PIWIL3: variants seen among roughly 807,000 people sequenced by gnomAD.
PIWIL3 encodes the protein piwi-like protein 3.
Under a neutral mutation model 109.7 loss-of-function variants are expected in PIWIL3, and 101 were observed. The ratio of observed to expected loss-of-function variants is 0.92; its 90% CI spans 0.78 to 1.09. The LOEUF (loss-of-function observed/expected upper bound fraction) is 1.09. Ranked by LOEUF, PIWIL3 falls within the 50% of genes least tolerant of loss-of-function variation. The pLI, the probability that PIWIL3 is intolerant of heterozygous loss-of-function variation, is 0.00. For synonymous variants in PIWIL3, 373 were observed against 376.4 expected, an observed-to-expected ratio of 0.99 and a Z score of 0.10; for missense variants, 1,031 against 1,072.6, an observed-to-expected ratio of 0.96 and a Z score of 0.54.
At chr22:24,755,662 C>T (rs1924981255) in intron 6 of PIWIL3, 122 bp downstream of exon 6, 3 of 1,278,588 alleles carry the variant, frequency 2.3e-6, no homozygotes, top group Non-Finnish European at 2.2e-6. Context: ...AGACCCTTCA[C>T]TCTCTTAATA....
intron 13 of PIWIL3, among the ~76,000 whole-genome samples, chr22:24,735,016 A>C (rs1220721704): frequency 6.6e-6 from 1 of 152,062 alleles, no homozygotes; most frequent in Admixed American, 6.6e-5. Flanking sequence ...GACATTCTAA[A>C]AAGGCAAAAC....
At chr22:24,739,146 G>T (rs1001752167) in intron 12 of PIWIL3, among the ~76,000 whole-genome samples, 1 of 151,896 alleles carries the variant, frequency 6.6e-6, no homozygotes, top group South Asian at 2.1e-4. Context: ...GAGTTCAAAG[G>T]CAGGCTGTTT....
intron 12 of PIWIL3, among the ~76,000 whole-genome samples, chr22:24,742,858 G>T (rs1396326078): frequency 6.6e-6 from 1 of 152,110 alleles, no homozygotes; most frequent in East Asian, 1.9e-4. Context: ...TCATGACCAA[G>T]AACCCAAAAG....
Position 24,744,178 on chromosome 22 carries a change from T to TTAAAAAAAAAAAAAAAAAAAAAA in PIWIL3, c.1449+4728_1449+4729insTTTTTTTTTTTTTTTTTTTTTTA, listed in dbSNP as rs1924180538. On this transcript the variant is annotated intron_variant, in intron 12 of 20. Coordinates refer to ENST00000616349, the MANE Select transcript of PIWIL3 (RefSeq NM_001255975.1). ...ACTCTAATTGAAAGAGTGACCGAAT[T>TTAAAAAAAAAAAAAAAAAAAAAA]AAAAAAAAAAAAAAAAAAAAAAAAA... Among the ~76,000 whole-genome samples the TTAAAAAAAAAAAAAAAAAAAAAA allele has an allele frequency of 1.5e-3, 53 of 34,320 alleles. 20 individuals are homozygous for TTAAAAAAAAAAAAAAAAAAAAAA. Among genetic ancestry groups the TTAAAAAAAAAAAAAAAAAAAAAA allele is most frequent in the South Asian group, 5.6e-3 (4 of 710 alleles). The allele number at this position is 34,320 out of a possible 152,430, so 22.5% of individuals were successfully genotyped here.
chr22:24,723,889 G>C (rs1922827731), intron 18 of PIWIL3, among the ~76,000 whole-genome samples: 1 of 152,064 alleles, frequency 6.6e-6, no homozygotes, highest in South Asian at 2.1e-4. Flanking sequence ...TGTTGGCCAG[G>C]CTGGTCTCAA....
intron 2 of PIWIL3, among the ~76,000 whole-genome samples, chr22:24,761,145 G>C (rs1420324438): frequency 6.6e-6 from 1 of 152,084 alleles, no homozygotes; most frequent in South Asian, 2.1e-4. Flanking sequence ...GGGGTGTTAG[G>C]TGGTGCAGGA....
intron 6 of PIWIL3, among the ~76,000 whole-genome samples, chr22:24,755,502 G>C (rs1924969727): frequency 6.6e-6 from 1 of 152,200 alleles, no homozygotes. Context: ...ATTTGCTACA[G>C]AGACATACAC....
intron 12 of PIWIL3, among the ~76,000 whole-genome samples, chr22:24,746,865 G>A (rs79139343): frequency 0.039 from 6,005 of 152,060 alleles, 198 homozygotes; most frequent in South Asian, 0.12. Flanking sequence ...ACACAAAAAT[G>A]AAGATATTCC....
Position 24,723,172 on chromosome 22 carries a change from G to A in PIWIL3, c.2315C>T (p.Pro772Leu), listed in dbSNP as rs1407987245. 3.7e-6 allele frequency: 6 copies of A among 1,612,904 alleles called. No individual in the cohort carries two copies. Among genetic ancestry groups the A allele is most frequent in the Non-Finnish European group, 5.1e-6 (6 of 1,179,110 alleles). ...CTCTACATCAATAACTGTTCCTGGA[G>A]GTGGATTTTGAAAATTGCTTCCATG... is the stretch of plus-strand genomic sequence containing the variant. ...LKHGSNFQNP[P>L]PGTVIDVELT... Residue 772 changes from proline (P) to leucine (L), a missense_variant, in exon 19 of 21, where the codon CCT becomes CTT. Pro to Leu is a moderately conservative substitution (Grantham distance 98). Coordinates refer to ENST00000616349, the MANE Select transcript of PIWIL3 (RefSeq NM_001255975.1).
chr22:24,760,210 A>C (rs1473788889), intron 2 of PIWIL3, among the ~76,000 whole-genome samples: 1 of 152,222 alleles, frequency 6.6e-6, no homozygotes, highest in Non-Finnish European at 1.5e-5. Context: ...AGAATCAGGA[A>C]TTACTGGGAA....
intron 14 of PIWIL3, among the ~76,000 whole-genome samples, chr22:24,729,517 C>T (rs1923208681): frequency 1.3e-5 from 2 of 152,154 alleles, no homozygotes; most frequent in African/African-American, 4.8e-5. Context: ...CTGAAACTGC[C>T]TGATTTTCCA....
chr22:24,754,247 C>T (rs750366062), intron 7 of PIWIL3, 30 bp from the exon 8 acceptor site: 112 of 1,574,236 alleles, frequency 7.1e-5, no homozygotes, highest in East Asian at 6.9e-4. Flanking sequence ...AGTATTAGTC[C>T]GATCTCTTCA....
intron 12 of PIWIL3, among the ~76,000 whole-genome samples, chr22:24,741,430 A>C (rs1924003511): frequency 6.6e-6 from 1 of 152,104 alleles, no homozygotes; most frequent in South Asian, 2.1e-4. Context: ...CTTGAACCCA[A>C]CAGGCAGAGG....
In PIWIL3 at chr22:24,754,141, C is replaced by T. The variant is rs771890979; in HGVS notation, c.850G>A (p.Val284Met). The change falls in exon 8 of 21, where the codon GTG becomes ATG. Residue 284 changes from valine (V) to methionine (M), a missense_variant. Coordinates refer to ENST00000616349, the MANE Select transcript of PIWIL3 (RefSeq NM_001255975.1). ...TCTATTCGGAGCAGTTTGTGGCTCA[C>T]ATCGGCACAGAGGGTAATGCTGTTT... is the stretch of plus-strand genomic sequence containing the variant. ...YENSITLCAD[V>M]SHKLLRIETA... is the part of the protein sequence containing the mutation. The T allele has an allele frequency of 5.6e-6, 9 of 1,613,948 alleles. No individual in the cohort carries two copies. The Admixed American group carries it at 1.2e-4, about 21-fold the overall frequency.
At chr22:24,757,642 A>G (rs1246891418) in intron 4 of PIWIL3, among the ~76,000 whole-genome samples, 1 of 148,826 alleles carries the variant, frequency 6.7e-6, no homozygotes. Flanking sequence ...ACACACATAT[A>G]TAAAATATGT....
chr22:24,729,007 C>A (rs374033101), intron 14 of PIWIL3, among the ~76,000 whole-genome samples: 1 of 152,176 alleles, frequency 6.6e-6, no homozygotes, highest in Non-Finnish European at 1.5e-5. Flanking sequence ...CAAGGCCTAA[C>A]GCAGAAATGC....
At chr22:24,759,044 C>T (rs1925258249) in intron 3 of PIWIL3, among the ~76,000 whole-genome samples, 1 of 152,174 alleles carries the variant, frequency 6.6e-6, no homozygotes, top group Non-Finnish European at 1.5e-5. Context: ...CAGGCGCATA[C>T]CACCATGCCC....
chr22:24,727,010 A>G (rs1569096714), intron 16 of PIWIL3, among the ~76,000 whole-genome samples: 1 of 152,252 alleles, frequency 6.6e-6, no homozygotes, highest in Non-Finnish European at 1.5e-5. Flanking sequence ...AGGAGAGCAT[A>G]GGATATAGAC....
chr22:24,754,238 G>C, intron 7 of PIWIL3, 21 bp from the exon 8 acceptor site: 1 of 1,590,628 alleles, frequency 6.3e-7, no homozygotes, highest in Non-Finnish European at 8.6e-7. Context: ...TTACATGAGA[G>C]TATTAGTCCG....
Sources: gnomAD v4.1 joint callset for allele counts (sites outside exome capture counted in the v4.1 genomes callset) on GRCh38, gnomAD v4.1.1 for gene constraint, MANE v1.5 for transcripts, NCBI Gene and HGNC (gene_info 2026-07-23, HGNC 2026-07-21) for gene names.